The following RO60 variants were observed in gnomAD, a reference collection of about 807,000 sequenced individuals.
RO60 encodes Ro60, Y RNA binding protein, also known as RNA-binding protein RO60.
RO60 carries 20 observed loss-of-function variants against 55.3 expected under a neutral mutation model. That is an observed-to-expected ratio of 0.36 (90% CI 0.25 to 0.53). The LOEUF is 0.53. RO60 is among the 20% of genes least tolerant of loss of function. The pLI, the probability that RO60 is intolerant of heterozygous loss-of-function variation, is 0.92. For missense variants in RO60, 558 were observed against 646.6 expected (o/e 0.86, Z 1.49); for synonymous variants, 213 against 213.6 (o/e 1.00, Z 0.02).
chr1:193,061,403 A>G (rs1672710193), intron 1 of RO60, among the ~76,000 whole-genome samples: 2 of 152,238 alleles, frequency 1.3e-5, no homozygotes, highest in Non-Finnish European at 2.9e-5. Flanking sequence ...AAAAGGAATA[A>G]TCTGCAAATG....
intron 2 of RO60, among the ~76,000 whole-genome samples, chr1:193,073,740 A>AT (rs956097721): frequency 3.3e-5 from 5 of 151,680 alleles, no homozygotes; most frequent in South Asian, 2.1e-4. Context: ...CGCCCAGCTA[A>AT]TTTTTTTTTA....
chr1:193,082,988 C>T (rs759832888), intron 8 of RO60, among the ~76,000 whole-genome samples: 11 of 152,042 alleles, frequency 7.2e-5, no homozygotes, highest in Non-Finnish European at 1.6e-4. Context: ...AACTCCTAGG[C>T]TCAAGCGATT....
intron 5 of RO60, among the ~76,000 whole-genome samples, chr1:193,079,486 G>T (rs531850604): frequency 6.6e-6 from 1 of 152,148 alleles, no homozygotes; most frequent in Non-Finnish European, 1.5e-5. Flanking sequence ...ACATACAAAA[G>T]AATGAAGTTG....
rs776403929 is a variant in RO60, at chr1:193,082,720, T to G, written c.1464+12T>G. The G allele has an allele frequency of 6.3e-7, 1 of 1,594,686 alleles. No homozygotes were observed. Among genetic ancestry groups the G allele is most frequent in the Admixed American group, 1.8e-5 (1 of 56,116 alleles). On this transcript the variant is annotated intron_variant, in intron 8 of 8. Coordinates refer to ENST00000400968, the MANE Select transcript of RO60 (RefSeq NM_001173524.2). ...GGGAGTATCGAAAGGTAAAACAAAT[T>G]CTAATACGGTTCCTCACCCAAATAA...
chr1:193,080,664 T>C (rs1474951102), intron 5 of RO60, among the ~76,000 whole-genome samples: 1 of 152,218 alleles, frequency 6.6e-6, no homozygotes, highest in African/African-American at 2.4e-5. Flanking sequence ...GTATATATAA[T>C]GGAATATTAT....
At chr1:193,065,056 T>A (rs1673016265) in intron 1 of RO60, among the ~76,000 whole-genome samples, 1 of 152,210 alleles carries the variant, frequency 6.6e-6, no homozygotes, top group Non-Finnish European at 1.5e-5. Flanking sequence ...GATTACAGAA[T>A]TTATCTTAAA....
rs1674655706 is a variant in RO60, at chr1:193,087,142, A to G, written c.*2411A>G. 1 of 152,112 alleles carries G rather than the reference A, an allele frequency of 6.6e-6. No individual in the cohort carries two copies. Among genetic ancestry groups the G allele is most frequent in the African/African-American group, 2.4e-5 (1 of 41,428 alleles). 9.4% of individuals were successfully genotyped at this position (152,112 alleles called of 1,614,324 possible). ...TTTAGGAGTAGAAAAATAGAATGGG[A>G]ACATGTATAATCTTGTAATTCATAG... On this transcript the variant is annotated 3_prime_UTR_variant, in exon 9 of 9. Coordinates refer to ENST00000400968, the MANE Select transcript of RO60 (RefSeq NM_001173524.2).
rs1397452684 is a variant in RO60 at position 193,059,705 on chromosome 1, G to A, written c.-93G>A. 7.4e-7 allele frequency: 1 copy of A among 1,355,124 alleles called. No homozygotes were observed. The highest frequency in any genetic ancestry group is 4.6e-5 in the East Asian group (1 of 21,542). 83.9% of individuals were successfully genotyped at this position (1,355,124 alleles called of 1,614,324 possible). A position where few individuals can be genotyped will look rare whatever the true frequency, so the allele number is the denominator to read the frequency against. On this transcript the variant is annotated 5_prime_UTR_variant, in exon 1 of 9. Transcript: ENST00000400968. This position sits in a 1 kb window ranked among gnomAD's most constrained non-coding sequence, Gnocchi z 4.9. ...GCTGCCCGTCAGGCTGCCTTCTTTT[G>A]TCGTTTCCCAGCGCTGCGCAGGACT...
intron 2 of RO60, among the ~76,000 whole-genome samples, chr1:193,073,513 C>A (rs1673663312): frequency 6.6e-6 from 1 of 152,122 alleles, no homozygotes; most frequent in Non-Finnish European, 1.5e-5. Context: ...CACCACTTGT[C>A]AGGGCACACT....
rs1293402397 is a variant in RO60, at chr1:193,082,704, G to A, written c.1460G>A (p.Arg487Gln). 7.5e-6 allele frequency: 12 copies of A among 1,607,806 alleles called. No individual in the cohort carries two copies. Among genetic ancestry groups the A allele is most frequent in the Non-Finnish European group, 9.3e-6 (11 of 1,177,582 alleles). The change falls in exon 8 of 9, where the codon CGA becomes CAA. Residue 487 changes from arginine (R) to glutamine (Q), a missense_variant. Arg to Gln is a conservative substitution (Grantham distance 43). Coordinates refer to ENST00000400968, the MANE Select transcript of RO60 (RefSeq NM_001173524.2). The part of the protein sequence containing the change: ...VHPAIALREY[R>Q]KKMDIPAKLI... ...CCTGCTATTGCTCTGAGGGAGTATCGAAAGGTAAAACAAATTCTAATACGG... is the reference window on the plus strand; with the variant it reads ...CCTGCTATTGCTCTGAGGGAGTATCAAAAGGTAAAACAAATTCTAATACGG...
At chr1:193,071,879 A>C (rs1195262877) in intron 2 of RO60, among the ~76,000 whole-genome samples, 3 of 149,548 alleles carry the variant, frequency 2.0e-5, no homozygotes, top group African/African-American at 7.3e-5. Flanking sequence ...TATATAATAT[A>C]TATGTATGTG....
intron 2 of RO60, among the ~76,000 whole-genome samples, chr1:193,074,424 T>C (rs1673750059): frequency 2.0e-5 from 3 of 151,856 alleles, no homozygotes; most frequent in Admixed American, 6.6e-5. Context: ...TTAATGATCG[T>C]CATTCTAACT....
intron 1 of RO60, among the ~76,000 whole-genome samples, chr1:193,064,675 C>T (rs1290843618): frequency 6.6e-6 from 1 of 152,184 alleles, no homozygotes; most frequent in Non-Finnish European, 1.5e-5. Context: ...CTGGAAAGTA[C>T]AGTCACAGAA....
Position 193,075,975 on chromosome 1 carries a change from C to A in RO60, c.736C>A (p.His246Asn). The A allele has an allele frequency of 6.2e-7, 1 of 1,612,958 alleles. No homozygotes were observed. The highest frequency in any genetic ancestry group is 1.1e-5 in the South Asian group (1 of 90,962). The change falls in exon 3 of 9, where the codon CAT (histidine) becomes AAT (asparagine). Residue 246 changes from histidine (H) to asparagine (N), a missense_variant. By Grantham distance (68) the His-to-Asn change is moderately conservative (BLOSUM62 1). Coordinates refer to ENST00000400968, the MANE Select transcript of RO60 (RefSeq NM_001173524.2). ...KRTRDELEVIHLIEEHRLVRE... is the reference protein window; with the variant it reads ...KRTRDELEVINLIEEHRLVRE... ...CACAAGAGATGAGCTAGAAGTCATT[C>A]ATCTAATAGAAGAACATAGATTAGT... is the stretch of plus-strand genomic sequence containing the variant.
In RO60 at chr1:193,082,384, A is replaced by T. The variant is rs1674373303; in HGVS notation, c.1317+85A>T. On this transcript the variant is annotated intron_variant, in intron 7 of 8. Coordinates refer to ENST00000400968, the MANE Select transcript of RO60 (RefSeq NM_001173524.2). ...TTATATTGATGTCATGTATGGTATTAATCTGTGAGAACAAAATTTTTTTTG... is the reference window on the plus strand; with the variant it reads ...TTATATTGATGTCATGTATGGTATTTATCTGTGAGAACAAAATTTTTTTTG... 3.0e-6 allele frequency: 4 copies of T among 1,340,934 alleles called. No homozygotes were observed. In the Admixed American group the frequency reaches 8.7e-5, roughly 29 times the overall value. 83.1% of individuals were successfully genotyped at this position (1,340,934 alleles called of 1,614,324 possible). A position where few individuals can be genotyped will look rare whatever the true frequency, so the allele number is the denominator to read the frequency against.
At chr1:193,071,793 A>T (rs1673526053) in intron 2 of RO60, among the ~76,000 whole-genome samples, 1 of 148,336 alleles carries the variant, frequency 6.7e-6, no homozygotes, top group Non-Finnish European at 1.5e-5. Context: ...GTTAGTATAT[A>T]GTATAGTATG....
rs576101173 is a variant in RO60 at position 193,087,954 on chromosome 1, C to T, written c.*3223C>T. ...CTACTGAAGAGGGAGAAAAAATATA[C>T]TCCAAGATCTTCTTGGACAGACCTA... On this transcript the variant is annotated 3_prime_UTR_variant, in exon 9 of 9. Coordinates refer to ENST00000400968, the MANE Select transcript of RO60 (RefSeq NM_001173524.2). 9 of 151,978 alleles carry T rather than the reference C, an allele frequency of 5.9e-5. No homozygotes were observed. Among genetic ancestry groups the T allele is most frequent in the African/African-American group, 2.2e-4 (9 of 41,368 alleles). The allele number at this position is 151,978 out of a possible 1,614,324, so 9.4% of individuals were successfully genotyped here.
chr1:193,073,902 A>C (rs2103046897), intron 2 of RO60, among the ~76,000 whole-genome samples: 5 of 88,192 alleles, frequency 5.7e-5, no homozygotes, highest in Admixed American at 1.4e-4. Flanking sequence ...CCCACCCCAC[A>C]ACAGGCCCTG....
In RO60 at chr1:193,087,657, A is replaced by AT. The variant is rs1246876049; in HGVS notation, c.*2927dup. On this transcript the variant is annotated 3_prime_UTR_variant, in exon 9 of 9. Coordinates refer to ENST00000400968, the MANE Select transcript of RO60 (RefSeq NM_001173524.2). Reference sequence around the variant, plus strand: ...ATTATTTTTATCCTTAAAAAGTAACATATCTGTGCTTGGATCATAGAAGAA... The same window carrying AT: ...ATTATTTTTATCCTTAAAAAGTAACATTATCTGTGCTTGGATCATAGAAGAA... 4.6e-5 allele frequency: 7 copies of AT among 152,278 alleles called. 1 individual carries two copies. The highest frequency in any genetic ancestry group is 1.7e-4 in the African/African-American group (7 of 41,566). The allele number at this position is 152,278 out of a possible 1,614,324, so 9.4% of individuals were successfully genotyped here.
Sources: allele counts gnomAD v4.1 joint callset (sites outside exome capture counted in the v4.1 genomes callset), GRCh38; gene constraint gnomAD v4.1.1; non-coding constraint Gnocchi (gnomAD v3.1); transcripts MANE v1.5; gene names NCBI Gene and HGNC (gene_info 2026-07-23, HGNC 2026-07-21).